Variants in TMEM237 observed in about 807,000 individuals in gnomAD.
TMEM237 encodes transmembrane protein 237, also known as amyotrophic lateral sclerosis 2 (juvenile) chromosome region, candidate 4.
TMEM237 carries 51 observed loss-of-function variants against 59.1 expected under a neutral mutation model. That is an observed-to-expected ratio of 0.86 (90% CI 0.69 to 1.09). TMEM237 has a LOEUF of 1.09. TMEM237 is among the 50% of genes least tolerant of loss of function. TMEM237 has a pLI of 0.00. For synonymous variants in TMEM237, 140 were observed against 166.1 expected, an observed-to-expected ratio of 0.84 and a Z score of 1.21; for missense variants, 475 against 478.3, an observed-to-expected ratio of 0.99 and a Z score of 0.06.
chr2:201,631,697 C>CT (rs1180959731), intron 7 of TMEM237, among the ~76,000 whole-genome samples: 1 of 152,130 alleles, frequency 6.6e-6, no homozygotes, highest in Non-Finnish European at 1.5e-5. Flanking sequence ...TCCTTCAAGT[C>CT]TTTTGTCCTA....
Position 201,643,370 on chromosome 2 carries a change from C to G in TMEM237, c.31G>C (p.Glu11Gln), listed in dbSNP as rs1319201699. The change falls in exon 1 of 13, where the codon GAG becomes CAG. Residue 11 changes from glutamate to glutamine, a missense_variant. Coordinates refer to ENST00000409883, the MANE Select transcript of TMEM237 (RefSeq NM_001044385.3). The surrounding 1 kb of genome is among the most constrained non-coding windows in gnomAD (Gnocchi z 4.3). MRTDSGARLEEGHLRPPRALP... is the reference protein window; with the variant it reads MRTDSGARLEQGHLRPPRALP... ...CCCTCGCCGCTCACCAGGTGGCCCT[C>G]CTCCAGCCGAGCCCCCGAGTCAGTC... The G allele has an allele frequency of 3.9e-6, 6 of 1,546,642 alleles. No homozygotes were observed. In the South Asian group the frequency reaches 7.2e-5, roughly 18 times the overall value.
rs1433003663 is a variant in TMEM237, at chr2:201,643,350, G to C, written c.42+9C>G. 1 of 1,539,828 alleles carries C rather than the reference G, an allele frequency of 6.5e-7. No individual in the cohort carries two copies. Among genetic ancestry groups the C allele is most frequent in the Non-Finnish European group, 8.8e-7 (1 of 1,142,176 alleles). On this transcript the variant is annotated intron_variant, in intron 1 of 12. Transcript: ENST00000409883. This position sits in a 1 kb window ranked among gnomAD's most constrained non-coding sequence, Gnocchi z 4.3. Reference sequence around the variant, plus strand: ...ACCTCTCGAGGCCGACGCGCCCCTCGCCGCTCACCAGGTGGCCCTCCTCCA... The same window carrying C: ...ACCTCTCGAGGCCGACGCGCCCCTCCCCGCTCACCAGGTGGCCCTCCTCCA...
chr2:201,625,827 A>C (rs1957753528), intron 12 of TMEM237, among the ~76,000 whole-genome samples, 199 bp downstream of exon 12: 2 of 152,134 alleles, frequency 1.3e-5, no homozygotes, highest in South Asian at 2.1e-4. Context: ...GTAGTTCCAG[A>C]CTCAAGCCCT....
rs1429275876 is a variant in TMEM237, at chr2:201,643,436, C to T, written c.-36G>A. 3.4e-6 allele frequency: 5 copies of T among 1,474,818 alleles called. No homozygotes were observed. In the Admixed American group the frequency reaches 7.1e-5, roughly 21 times the overall value. The allele number at this position is 1,474,818 out of a possible 1,614,324, so 91.4% of individuals were successfully genotyped here. The stretch of plus-strand genomic sequence containing the variant: ...CCGCGGGGCTGCCCCGGCGCAACCG[C>T]CGGCGGCCCGAGCCCAGCTCCCCGC... On this transcript the variant is annotated 5_prime_UTR_variant, in exon 1 of 13. Coordinates refer to ENST00000409883, the MANE Select transcript of TMEM237 (RefSeq NM_001044385.3). The surrounding 1 kb of genome is among the most constrained non-coding windows in gnomAD (Gnocchi z 4.3).
rs1202574375 is a variant in TMEM237, at chr2:201,626,136, A to G, written c.1049T>C (p.Ile350Thr). The G allele has an allele frequency of 1.2e-6, 2 of 1,611,468 alleles. No homozygotes were observed. Among genetic ancestry groups the G allele is most frequent in the South Asian group, 1.1e-5 (1 of 90,268 alleles). Residue 350 changes from isoleucine to threonine, a missense_variant, in exon 12 of 13, where the codon ATT (isoleucine) becomes ACT (threonine). Coordinates refer to ENST00000409883, the MANE Select transcript of TMEM237 (RefSeq NM_001044385.3). The stretch of plus-strand genomic sequence containing the variant: ...CCATGGCTGGAGAATCTGTTCCTCA[A>G]TTCCTGCTTCCCTAAAAATGTAGAA... ...SVNGSLWEAG[I>T]EEQILQPWIV...
In TMEM237 at chr2:201,632,134, T is replaced by G; in HGVS notation, c.470A>C (p.Gln157Pro). 2 of 1,614,012 alleles carry G rather than the reference T, an allele frequency of 1.2e-6. No individual in the cohort carries two copies. Among genetic ancestry groups the G allele is most frequent in the Non-Finnish European group, 1.7e-6 (2 of 1,179,870 alleles). The part of the protein sequence containing the change: ...VEDEDIITDE[Q>P]TTVEQQSVFT... ...TACAGACTGCTGTTCCACAGTAGTT[T>G]GCTCATCAGTGATTATGTCTTCATC... is the stretch of plus-strand genomic sequence containing the variant. Residue 157 changes from glutamine to proline, a missense_variant, in exon 7 of 13, where the codon CAA (glutamine) becomes CCA (proline). By Grantham distance (76) the Gln-to-Pro change is moderately conservative. Coordinates refer to ENST00000409883, the MANE Select transcript of TMEM237 (RefSeq NM_001044385.3).
At chr2:201,638,230 T>G (rs1320385283) in intron 4 of TMEM237, among the ~76,000 whole-genome samples, 1 of 152,232 alleles carries the variant, frequency 6.6e-6, no homozygotes, top group African/African-American at 2.4e-5. Flanking sequence ...ATAGTATGTA[T>G]GATTCCTTTT....
chr2:201,635,887 CTG>C lies in TMEM237; in HGVS notation c.274+859_274+860del, dbSNP rs1293963318. 1.3e-5 allele frequency among the ~76,000 whole-genome samples: 2 copies of C among 152,070 alleles called. No homozygotes were observed. The highest frequency in any genetic ancestry group is 1.9e-4 in the East Asian group (1 of 5,198). On this transcript the variant is annotated intron_variant, in intron 5 of 12. Transcript: ENST00000409883. The surrounding 1 kb of genome is among the most constrained non-coding windows in gnomAD (Gnocchi z 4.5). ...CACCTAAGAACTATGAAAAAATAAA[CTG>C]TTGTTTGAAGTCACACAGTTTGTGG... is the stretch of plus-strand genomic sequence containing the variant.
In TMEM237 at chr2:201,643,368, C is replaced by T. The variant is rs544767440; in HGVS notation, c.33G>A (p.Glu11=). ...GCCCCTCGCCGCTCACCAGGTGGCC[C>T]TCCTCCAGCCGAGCCCCCGAGTCAG... MRTDSGARLE[E]GHLRPPRALP... Residue 11 remains glutamate, a synonymous_variant, in exon 1 of 13, where the codon GAG becomes GAA. Coordinates refer to ENST00000409883, the MANE Select transcript of TMEM237 (RefSeq NM_001044385.3). The surrounding 1 kb of genome is among the most constrained non-coding windows in gnomAD (Gnocchi z 4.3). 2.5e-5 allele frequency: 39 copies of T among 1,546,678 alleles called. No homozygotes were observed. In the East Asian group the frequency reaches 9.4e-4, roughly 37 times the overall value.
chr2:201,633,358 C>T lies in TMEM237; in HGVS notation c.348G>A (p.Ala116=), dbSNP rs191125006. 4,694 of 1,595,414 alleles carry T rather than the reference C, an allele frequency of 2.9e-3. 13 individuals are homozygous for T. Among genetic ancestry groups the T allele is most frequent in the Non-Finnish European group, 3.7e-3 (4,377 of 1,170,524 alleles). ...GAATAACTGCCTCCTCAGCTGGCTC[C>T]GCATCAATACCATTTTCATTTCGTA... ...SLLRNENGID[A]EPAEEAVIQK... Residue 116 remains alanine (A), a synonymous_variant, in exon 6 of 13, where the codon GCG becomes GCA. Transcript: ENST00000409883.
rs545276662 is a variant in TMEM237, at chr2:201,622,668, T to G, written c.*1587A>C. Reference sequence around the variant, plus strand: ...GGACTCATAAGATTACACTGGACCCTTCTGGATAATACAGGATAATGTCCC... The same window carrying G: ...GGACTCATAAGATTACACTGGACCCGTCTGGATAATACAGGATAATGTCCC... On this transcript the variant is annotated 3_prime_UTR_variant, in exon 13 of 13. Coordinates refer to ENST00000409883, the MANE Select transcript of TMEM237 (RefSeq NM_001044385.3). 6.6e-6 allele frequency: 1 copy of G among 152,428 alleles called. No homozygotes were observed. Among genetic ancestry groups the G allele is most frequent in the South Asian group, 2.1e-4 (1 of 4,824 alleles). 9.4% of individuals were successfully genotyped at this position (152,428 alleles called of 1,614,324 possible).
intron 4 of TMEM237, among the ~76,000 whole-genome samples, chr2:201,637,846 C>G (rs952984426): frequency 6.6e-6 from 1 of 152,008 alleles, no homozygotes; most frequent in African/African-American, 2.4e-5. Flanking sequence ...TACTTTTCCC[C>G]CACTAAATTA....
intron 5 of TMEM237, chr2:201,634,311 T>G (rs1322339151): frequency 6.6e-6 from 1 of 152,230 alleles, no homozygotes; most frequent in African/African-American, 2.4e-5. Context: ...TGGAATACCT[T>G]CAAGACCTTA....
At chr2:201,630,272 T>C (rs755329737) in intron 7 of TMEM237, among the ~76,000 whole-genome samples, 8 of 152,214 alleles carry the variant, frequency 5.3e-5, no homozygotes, top group East Asian at 3.8e-4. Context: ...AAAACTACTT[T>C]AAATTTCTTA....
At chr2:201,642,782 G>T (rs1687456120) in intron 1 of TMEM237, 10 of 1,426,340 alleles carry the variant, frequency 7.0e-6, no homozygotes, top group Non-Finnish European at 9.1e-6. Context: ...TGCGGTGAGA[G>T]GCGTGCAGGG....
intron 8 of TMEM237, 147 bp from the exon 9 acceptor site, chr2:201,629,568 T>A: frequency 7.9e-7 from 1 of 1,267,452 alleles, no homozygotes; most frequent in Non-Finnish European, 1.1e-6. Context: ...CACTGATAGG[T>A]AGATCACTCA....
At position 201,624,982 on chromosome 2, in the gene TMEM237, C is replaced by G. The variant is rs182398945; in HGVS notation, c.1160-660G>C. ...ACTTAGCATAGATGTTGGCGAAATT[C>G]TGCATGCTAAGGCTTCTGAGGCAGA... On this transcript the variant is annotated intron_variant, in intron 12 of 12. Coordinates refer to ENST00000409883, the MANE Select transcript of TMEM237 (RefSeq NM_001044385.3). 8.5e-5 allele frequency among the ~76,000 whole-genome samples: 13 copies of G among 152,316 alleles called. No individual in the cohort carries two copies. The East Asian group carries it at 1.9e-3, about 23-fold the overall frequency.
At chr2:201,642,766 G>T (rs746802035) in intron 1 of TMEM237, 158 of 1,440,902 alleles carry the variant, frequency 1.1e-4, no homozygotes, top group Non-Finnish European at 1.4e-4. Context: ...CGCCCTGCGG[G>T]GATGTTGCGG....
At chr2:201,634,749 C>T (rs1470818206) in intron 5 of TMEM237, 2 of 230,782 alleles carry the variant, frequency 8.7e-6, no homozygotes, top group Non-Finnish European at 9.6e-6. Flanking sequence ...TCCGCCCCTT[C>T]GTTCTCATAG....
Sources: gnomAD v4.1 joint callset for allele counts (sites outside exome capture counted in the v4.1 genomes callset) on GRCh38, gnomAD v4.1.1 for gene constraint, Gnocchi (gnomAD v3.1) non-coding constraint, MANE v1.5 for transcripts, NCBI Gene and HGNC (gene_info 2026-07-23, HGNC 2026-07-21) for gene names.